CACNB4: variants seen among roughly 807,000 people sequenced by gnomAD.
The protein encoded by CACNB4 is calcium voltage-gated channel auxiliary subunit beta 4, also known as voltage-dependent L-type calcium channel subunit beta-4.
Under a neutral mutation model 71.2 loss-of-function variants are expected in CACNB4, and 32 were observed. The ratio of observed to expected loss-of-function variants is 0.45; its 90% CI spans 0.34 to 0.60. The LOEUF (loss-of-function observed/expected upper bound fraction) is 0.60, where lower values mean the gene tolerates loss of function less well. Among genes scored for constraint, CACNB4 ranks in the 20% least tolerant of loss-of-function variants. The probability of loss-of-function intolerance (pLI) is 0.01; values close to 1 mark genes in which losing one functional copy is unlikely to be tolerated. For synonymous variants in CACNB4, 231 were observed against 236.9 expected (o/e 0.97, Z 0.23); for missense variants, 464 against 647.9 (o/e 0.72, Z 3.08).
At chr2:151,881,544 C>T (rs1258887073) in intron 3 of CACNB4, among the ~76,000 whole-genome samples, 2 of 152,212 alleles carry the variant, frequency 1.3e-5, no homozygotes, top group Non-Finnish European at 2.9e-5. Flanking sequence ...GCTGGCACAG[C>T]ACTGTGGGGA....
chr2:151,869,001 C>T, intron 9 of CACNB4, 176 bp downstream of exon 9: 1 of 476,764 alleles, frequency 2.1e-6, no homozygotes, highest in South Asian at 4.2e-5. Flanking sequence ...TCACTGGGGA[C>T]TCAATGTTAT....
intron 2 of CACNB4, among the ~76,000 whole-genome samples, chr2:151,929,348 G>T (rs913196163): frequency 6.6e-6 from 1 of 151,906 alleles, no homozygotes; most frequent in East Asian, 1.9e-4. Flanking sequence ...AAAACTAAAA[G>T]GTAAGACTCA....
At chr2:152,036,175 T>C (rs900125048) in intron 2 of CACNB4, among the ~76,000 whole-genome samples, 2 of 152,206 alleles carry the variant, frequency 1.3e-5, no homozygotes, top group East Asian at 3.8e-4. Context: ...TAACAGGTAG[T>C]TGTTGTTCAA....
chr2:151,860,886 T>C (rs2099841461), intron 9 of CACNB4, 66 bp from the exon 10 acceptor site: 1 of 1,007,108 alleles, frequency 9.9e-7, no homozygotes, highest in Admixed American at 1.7e-5. Flanking sequence ...AAGTGATTTA[T>C]AACCACAGTA....
At chr2:152,006,117 A>G (rs934495029) in intron 2 of CACNB4, among the ~76,000 whole-genome samples, 1 of 152,216 alleles carries the variant, frequency 6.6e-6, no homozygotes, top group African/African-American at 2.4e-5. Context: ...GTGGTCTTGC[A>G]TATGCCCTCG....
At chr2:152,047,536 T>A (rs1685200043) in intron 2 of CACNB4, among the ~76,000 whole-genome samples, 1 of 152,232 alleles carries the variant, frequency 6.6e-6, no homozygotes, top group Non-Finnish European at 1.5e-5. Context: ...ACCCATGTAT[T>A]GATTTACGAT....
At chr2:152,095,009 A>G (rs1193496774) in intron 2 of CACNB4, among the ~76,000 whole-genome samples, 4 of 152,190 alleles carry the variant, frequency 2.6e-5, no homozygotes, top group Non-Finnish European at 5.9e-5. Flanking sequence ...TTCCAAAGAA[A>G]GCCTTTGTGT....
chr2:152,052,361 C>T (rs1426841538), intron 2 of CACNB4, among the ~76,000 whole-genome samples: 1 of 152,086 alleles, frequency 6.6e-6, no homozygotes, highest in Non-Finnish European at 1.5e-5. Flanking sequence ...AGTACAGTGG[C>T]GTGATCTCGG....
chr2:152,009,166 G>C (rs1401320473), intron 2 of CACNB4, among the ~76,000 whole-genome samples: 1 of 150,368 alleles, frequency 6.7e-6, no homozygotes, highest in East Asian at 1.9e-4. Flanking sequence ...ACTCTAGCCT[G>C]GGAAACAGTG....
rs553030814 is a variant in CACNB4, at chr2:151,866,670, T to C, written c.758+2507A>G. 8 of 152,388 alleles carry C rather than the reference T, an allele frequency of 5.2e-5. No homozygotes were observed. In the South Asian group the frequency reaches 1.7e-3, roughly 32 times the overall value. The allele number at this position is 152,388 out of a possible 1,614,324, so 9.4% of individuals were successfully genotyped here. On this transcript the variant is annotated intron_variant, in intron 9 of 13. Transcript: ENST00000539935. ...TACACTCAACCAAGGAACTCCTTAT[T>C]GTTCATTCTGCTGCCTGGCCTCTTA...
intron 2 of CACNB4, among the ~76,000 whole-genome samples, chr2:151,992,073 C>A (rs1428376791): frequency 6.6e-6 from 1 of 152,170 alleles, no homozygotes; most frequent in East Asian, 1.9e-4. Context: ...ATCCTCGACC[C>A]CCCTTCACCA....
At chr2:152,011,432 T>C (rs1422176947) in intron 2 of CACNB4, among the ~76,000 whole-genome samples, 2 of 152,198 alleles carry the variant, frequency 1.3e-5, no homozygotes, top group South Asian at 4.1e-4. Flanking sequence ...GTTGAGGTTA[T>C]TGCTTGAAGC....
chr2:151,957,561 A>C (rs2099868640), intron 2 of CACNB4, among the ~76,000 whole-genome samples: 1 of 152,218 alleles, frequency 6.6e-6, no homozygotes, highest in Non-Finnish European at 1.5e-5. Flanking sequence ...CTAAAAGAAC[A>C]GGGAAACTAA....
chr2:151,845,618 A>C lies in CACNB4; in HGVS notation c.1117-3530T>G, dbSNP rs2099837361. ...CCTTACTATGCAATATGTGGCCTGCAGCATGGGCTATGGATGCAGAGAGCT... is the reference window on the plus strand; with the variant it reads ...CCTTACTATGCAATATGTGGCCTGCCGCATGGGCTATGGATGCAGAGAGCT... On this transcript the variant is annotated intron_variant, in intron 12 of 13. Transcript: ENST00000539935. 3.3e-5 allele frequency among the ~76,000 whole-genome samples: 5 copies of C among 152,390 alleles called. No homozygotes were observed. The South Asian group carries it at 1.0e-3, about 32-fold the overall frequency.
chr2:151,936,331 A>G (rs1310883576), intron 2 of CACNB4: 1 of 152,236 alleles, frequency 6.6e-6, no homozygotes, highest in East Asian at 1.9e-4. Flanking sequence ...AGGAAAGATC[A>G]TGTTTAGTCT....
At chr2:152,050,902 G>T (rs959010268) in intron 2 of CACNB4, among the ~76,000 whole-genome samples, 11 of 151,992 alleles carry the variant, frequency 7.2e-5, no homozygotes, top group African/African-American at 2.7e-4. Context: ...AGGTCCCCAG[G>T]TAGCTGGGAC....
At chr2:152,016,237 T>C (rs1389119843) in intron 2 of CACNB4, among the ~76,000 whole-genome samples, 2 of 152,210 alleles carry the variant, frequency 1.3e-5, no homozygotes, top group African/African-American at 4.8e-5. Context: ...TTGTTAAAAT[T>C]ATTAATGGCA....
At chr2:151,883,613 G>A in intron 2 of CACNB4, 1 of 499,110 alleles carries the variant, frequency 2.0e-6, no homozygotes, top group Non-Finnish European at 3.6e-6. Flanking sequence ...AAACTGCAAT[G>A]AAAATTATGT....
chr2:152,026,228 T>C (rs2105156381), intron 2 of CACNB4, among the ~76,000 whole-genome samples: 1 of 152,258 alleles, frequency 6.6e-6, no homozygotes, highest in Non-Finnish European at 1.5e-5. Flanking sequence ...GAGCACTGGA[T>C]CTTACTCCAG....
Sources: gnomAD v4.1 joint callset for allele counts (sites outside exome capture counted in the v4.1 genomes callset) on GRCh38, gnomAD v4.1.1 for gene constraint, MANE v1.5 for transcripts, NCBI Gene and HGNC (gene_info 2026-07-23, HGNC 2026-07-21) for gene names.